Variants in PRKG2 observed in about 807,000 individuals in gnomAD.
PRKG2 encodes cGMP-dependent protein kinase 2.
PRKG2 carries 33 observed loss-of-function variants against 97.2 expected under a neutral mutation model. The ratio of observed to expected loss-of-function variants is 0.34; its 90% CI spans 0.26 to 0.45. The LOEUF is 0.45. Ranked by LOEUF, PRKG2 falls within the 20% of genes least tolerant of loss-of-function variation. The probability of loss-of-function intolerance (pLI) is 1.00; values close to 1 mark genes in which losing one functional copy is unlikely to be tolerated. For missense variants in PRKG2, 638 were observed against 900.0 expected (o/e 0.71, Z 3.73); for synonymous variants, 330 against 321.8 (o/e 1.03, Z -0.27).
At chr4:81,090,684 A>G (rs2109935611) in intron 18 of PRKG2, among the ~76,000 whole-genome samples, 1 of 152,328 alleles carries the variant, frequency 6.6e-6, no homozygotes, top group Middle Eastern at 3.4e-3. Flanking sequence ...ATTATTTATG[A>G]TAGATCATAA....
chr4:81,099,194 G>A (rs938995330), intron 17 of PRKG2, among the ~76,000 whole-genome samples: 15 of 152,140 alleles, frequency 9.9e-5, no homozygotes, highest in Non-Finnish European at 2.1e-4. Flanking sequence ...ATTTAATATA[G>A]AATGGACAGA....
rs1443459138 is a variant in PRKG2, at chr4:81,153,697, T to A, written c.937A>T (p.Ile313Phe). The A allele has an allele frequency of 6.2e-7, 1 of 1,606,942 alleles. No homozygotes were observed. The highest frequency in any genetic ancestry group is 1.1e-5 in the South Asian group (1 of 90,850). The change falls in exon 7 of 19, where the codon ATC becomes TTC. Residue 313 changes from isoleucine (I) to phenylalanine (F), a missense_variant. Transcript: ENST00000264399. ...EVEYYDKGDY[I>F]IREGEEGSTF... ...CTTCCTTCCTCGCCCTCTCTAATGA[T>A]GTAATCTCCTTTGTCATAGTATTCC...
intron 1 of PRKG2, among the ~76,000 whole-genome samples, chr4:81,210,774 A>C (rs1484610215): frequency 6.6e-6 from 1 of 152,190 alleles, no homozygotes; most frequent in Admixed American, 6.5e-5. Flanking sequence ...AGCTTTGTTT[A>C]TAATTCCCAA....
rs565291601 is a variant in PRKG2 at position 81,088,299 on chromosome 4, G to A, written c.*1409C>T. ...TTCTGGATGATGAAATTATGAGTGG[G>A]GACTGGGTAGAGGTTCCTTTTGACA... On this transcript the variant is annotated 3_prime_UTR_variant, in exon 19 of 19. Transcript: ENST00000264399. The A allele has an allele frequency of 5.9e-5, 9 of 152,154 alleles. No homozygotes were observed. The highest frequency in any genetic ancestry group is 1.3e-4 in the Admixed American group (2 of 15,280). The allele number at this position is 152,154 out of a possible 1,614,324, so 9.4% of individuals were successfully genotyped here. A position where few individuals can be genotyped will look rare whatever the true frequency, so the allele number is the denominator to read the frequency against.
At chr4:81,203,195 A>G (rs1181066130) in intron 2 of PRKG2, among the ~76,000 whole-genome samples, 4 of 152,144 alleles carry the variant, frequency 2.6e-5, no homozygotes, top group African/African-American at 9.7e-5. Flanking sequence ...TTCAGAATTC[A>G]TACCATTAAA....
At chr4:81,093,392 CACACACACACACAA>C (rs1240370862) in intron 17 of PRKG2, among the ~76,000 whole-genome samples, 34 of 149,460 alleles carry the variant, frequency 2.3e-4, no homozygotes, top group African/African-American at 7.7e-4. Context: ...CACACACACA[CACACACACACACAA>C]GCTTCTTATC....
chr4:81,103,674 T>C (rs1376911191), intron 17 of PRKG2, among the ~76,000 whole-genome samples: 2 of 152,196 alleles, frequency 1.3e-5, no homozygotes, highest in East Asian at 1.9e-4. Context: ...ATGTAATTCC[T>C]TCACAGATTC....
intron 6 of PRKG2, 57 bp downstream of exon 6, chr4:81,167,104 A>G: frequency 1.7e-6 from 2 of 1,166,288 alleles, no homozygotes; most frequent in South Asian, 1.4e-5. Flanking sequence ...TGTTAATAAT[A>G]TAAGTACATT....
chr4:81,123,764 A>C (rs192560576), intron 14 of PRKG2, among the ~76,000 whole-genome samples: 5 of 152,280 alleles, frequency 3.3e-5, no homozygotes, highest in East Asian at 3.9e-4. Context: ...AAGTCCATTT[A>C]CATATACTGG....
At chr4:81,174,204 GAT>G (rs2110086729) in intron 3 of PRKG2, among the ~76,000 whole-genome samples, 1 of 152,136 alleles carries the variant, frequency 6.6e-6, no homozygotes, top group African/African-American at 2.4e-5. Flanking sequence ...TTAATTGTAA[GAT>G]ATGTCATTTG....
At chr4:81,195,251 C>CAA in intron 2 of PRKG2, among the ~76,000 whole-genome samples, 1 of 152,200 alleles carries the variant, frequency 6.6e-6, no homozygotes, top group East Asian at 1.9e-4. Context: ...TTCTCTTCTG[C>CAA]AATATAATAC....
chr4:81,170,496 T>C (rs573553184), intron 4 of PRKG2, among the ~76,000 whole-genome samples: 2 of 152,196 alleles, frequency 1.3e-5, no homozygotes, highest in African/African-American at 4.8e-5. Context: ...TACCAAACTT[T>C]ACATTGGAAT....
chr4:81,137,572 G>T, intron 12 of PRKG2, 90 bp from the exon 13 acceptor site: 1 of 981,142 alleles, frequency 1.0e-6, no homozygotes. Flanking sequence ...ATAACATTAG[G>T]AACAATGATA....
At chr4:81,114,739 C>T (rs1744335501) in intron 14 of PRKG2, among the ~76,000 whole-genome samples, 1 of 152,128 alleles carries the variant, frequency 6.6e-6, no homozygotes, top group African/African-American at 2.4e-5. Context: ...AACACAGAAG[C>T]CTTCTGTCTT....
At chr4:81,121,189 G>A (rs11945501) in intron 14 of PRKG2, among the ~76,000 whole-genome samples, 5,941 of 152,062 alleles carry the variant, frequency 0.039, 408 homozygotes, top group African/African-American at 0.14. Flanking sequence ...GTTGGATTCT[G>A]TTTGCCAATA....
At chr4:81,090,116 G>T (rs1383333102) in intron 18 of PRKG2, among the ~76,000 whole-genome samples, 1 of 152,124 alleles carries the variant, frequency 6.6e-6, no homozygotes, top group African/African-American at 2.4e-5. Context: ...CCAGCACTTT[G>T]GGAGGCCAAG....
chr4:81,174,093 A>T (rs1202601508), intron 3 of PRKG2, among the ~76,000 whole-genome samples: 1 of 152,096 alleles, frequency 6.6e-6, no homozygotes, highest in Non-Finnish European at 1.5e-5. Flanking sequence ...ACAAAAATAA[A>T]TCATTTGCCT....
rs139093432 is a variant in PRKG2 at position 81,205,019 on chromosome 4, T to C, written c.29A>G (p.His10Arg). The C allele has an allele frequency of 1.8e-4, 293 of 1,611,770 alleles. 1 individual carries two copies. Among genetic ancestry groups the C allele is most frequent in the Middle Eastern group, 1.6e-4 (1 of 6,062 alleles). ...AGAGTGTCCATCTGGGTGCTTAGAATGTTTAGGTTTCACTGAACCATTTCC... is the reference window on the plus strand; with the variant it reads ...AGAGTGTCCATCTGGGTGCTTAGAACGTTTAGGTTTCACTGAACCATTTCC... MGNGSVKPK[H>R]SKHPDGHSGN... The change falls in exon 2 of 19, where the codon CAT becomes CGT. Residue 10 changes from histidine to arginine, a missense_variant. Physicochemically the swap from His to Arg is conservative, Grantham distance 29. Coordinates refer to ENST00000264399, the MANE Select transcript of PRKG2 (RefSeq NM_006259.3).
intron 2 of PRKG2, among the ~76,000 whole-genome samples, chr4:81,184,041 G>A (rs1164716566): frequency 2.0e-5 from 3 of 152,174 alleles, no homozygotes; most frequent in African/African-American, 7.2e-5. Context: ...CAGAGCACCT[G>A]GGGGAAAGGG....
Sources: gnomAD v4.1 joint callset for allele counts (sites outside exome capture counted in the v4.1 genomes callset) on GRCh38, gnomAD v4.1.1 for gene constraint, MANE v1.5 for transcripts, NCBI Gene and HGNC (gene_info 2026-07-23, HGNC 2026-07-21) for gene names.